PLEKHG1: variants seen among roughly 807,000 people sequenced by gnomAD.
PLEKHG1 encodes pleckstrin homology domain-containing family G member 1.
In PLEKHG1, 44 loss-of-function variants were observed where a neutral mutation model predicts 100.8. The observed-to-expected ratio is 0.44, with a 90% CI of 0.34 to 0.56. The LOEUF (loss-of-function observed/expected upper bound fraction) is 0.56. Among genes scored for constraint, PLEKHG1 ranks in the 20% least tolerant of loss-of-function variants. The pLI is 0.01. For synonymous variants in PLEKHG1, 640 were observed against 662.5 expected, an observed-to-expected ratio of 0.97 and a Z score of 0.52; for missense variants, 1,545 against 1,720.9, an observed-to-expected ratio of 0.90 and a Z score of 1.81.
chr6:150,771,160 C>G (rs556550723), intron 3 of PLEKHG1, among the ~76,000 whole-genome samples: 8 of 152,124 alleles, frequency 5.3e-5, no homozygotes, highest in South Asian at 2.1e-4. Context: ...CACCTGTAAT[C>G]CCAGCACTTT....
chr6:150,710,909 C>T (rs1371591314), intron 3 of PLEKHG1, among the ~76,000 whole-genome samples: 1 of 152,160 alleles, frequency 6.6e-6, no homozygotes, highest in Non-Finnish European at 1.5e-5. Context: ...TTACACGTTT[C>T]CATAGTGCCT....
intron 2 of PLEKHG1, among the ~76,000 whole-genome samples, chr6:150,737,867 G>A (rs1050072528): frequency 6.6e-6 from 1 of 151,522 alleles, no homozygotes; most frequent in Non-Finnish European, 1.5e-5. Flanking sequence ...GCAGTGGCAC[G>A]ATCATGACTC....
At chr6:150,790,774 C>CAAGT (rs1350507995) in intron 4 of PLEKHG1, among the ~76,000 whole-genome samples, 2 of 152,150 alleles carry the variant, frequency 1.3e-5, no homozygotes, top group African/African-American at 4.8e-5. Context: ...GTAATCCCAG[C>CAAGT]ACTTTGGGAG....
exon 2 of PLEKHG1, chr6:150,733,831 G>A (rs778739832): frequency 4.3e-6 from 7 of 1,614,190 alleles, no homozygotes; most frequent in Non-Finnish European, 5.9e-6. Flanking sequence ...AGGAGGTAGG[G>A]GCCATAAAAC....
At position 150,831,290 on chromosome 6, in the gene PLEKHG1, T is replaced by A. The variant is rs763988075; in HGVS notation, c.2179T>A (p.Ser727Thr). The A allele has an allele frequency of 1.9e-6, 3 of 1,613,974 alleles. No individual in the cohort carries two copies. The highest frequency in any genetic ancestry group is 1.3e-5 in the African/African-American group (1 of 74,896). Residue 727 changes from serine (S) to threonine (T), a missense_variant, in exon 15 of 16, where the codon TCC (serine) becomes ACC (threonine). Transcript: ENST00000358517. This position sits in a 1 kb window ranked among gnomAD's most constrained non-coding sequence, Gnocchi z 4.1. Reference sequence around the variant, plus strand: ...TGGCACCCTCTCAGGTGGAGAGGCATCCAGCCAAAGCACGCATGAACTCCA... The same window carrying A: ...TGGCACCCTCTCAGGTGGAGAGGCAACCAGCCAAAGCACGCATGAACTCCA...
At chr6:150,663,704 C>T (rs7769420) in intron 3 of PLEKHG1, 30,619 of 151,876 alleles carry the variant, frequency 0.2, 4,276 homozygotes, top group African/African-American at 0.4. Context: ...CAGGCACCCG[C>T]CACCACGCCT....
chr6:150,821,233 G>A (rs766622623), exon 13 of PLEKHG1: 1 of 1,603,682 alleles, frequency 6.2e-7, no homozygotes, highest in African/African-American at 1.3e-5. Flanking sequence ...GAAGACCAGT[G>A]GTAAGTCGTA....
intron 2 of PLEKHG1, among the ~76,000 whole-genome samples, chr6:150,740,120 C>G (rs1181528369): frequency 6.6e-6 from 1 of 152,232 alleles, no homozygotes; most frequent in Non-Finnish European, 1.5e-5. Flanking sequence ...TCAGCACATA[C>G]TCTGCCTGGA....
At chr6:150,668,476 A>T (rs1427206560) in intron 3 of PLEKHG1, among the ~76,000 whole-genome samples, 1 of 152,194 alleles carries the variant, frequency 6.6e-6, no homozygotes, top group Non-Finnish European at 1.5e-5. Flanking sequence ...CATTTGAGAA[A>T]GTGTACTCAT....
chr6:150,832,082 A>T (rs746312872), exon 15 of PLEKHG1: 2 of 1,614,184 alleles, frequency 1.2e-6, no homozygotes, highest in Non-Finnish European at 1.7e-6. Context: ...TAAGAAGGCG[A>T]ATCAACTTTT....
chr6:150,768,700 C>G, exon 3 of PLEKHG1: 1 of 1,611,372 alleles, frequency 6.2e-7, no homozygotes, highest in Non-Finnish European at 8.5e-7. Flanking sequence ...AAAGATCAGC[C>G]CTTTTTGGAA....
chr6:150,615,540 A>G (rs1274669561), intron 1 of PLEKHG1, among the ~76,000 whole-genome samples: 1 of 152,108 alleles, frequency 6.6e-6, no homozygotes. Flanking sequence ...ATCTTTCTAA[A>G]TCTCCCGAAT....
chr6:150,645,623 CAT>C (rs1778462117), intron 2 of PLEKHG1, among the ~76,000 whole-genome samples: 1 of 152,090 alleles, frequency 6.6e-6, no homozygotes, highest in African/African-American at 2.4e-5. Context: ...GGGAAGGAAA[CAT>C]AGATGCATAT....
At chr6:150,804,658 C>G (rs780251912) in exon 7 of PLEKHG1, 2 of 1,612,798 alleles carry the variant, frequency 1.2e-6, no homozygotes, top group Non-Finnish European at 1.7e-6. Context: ...TGATGTGGTG[C>G]TTGATGCTAT....
At chr6:150,764,434 A>G (rs1784353986) in intron 2 of PLEKHG1, among the ~76,000 whole-genome samples, 2 of 152,030 alleles carry the variant, frequency 1.3e-5, no homozygotes, top group Admixed American at 1.3e-4. Context: ...TTCTTTATTG[A>G]TGATGGAACC....
intron 3 of PLEKHG1, among the ~76,000 whole-genome samples, chr6:150,772,785 G>A (rs1341159565): frequency 3.9e-5 from 6 of 152,214 alleles, no homozygotes; most frequent in South Asian, 2.1e-4. Flanking sequence ...TGCCAATTGC[G>A]TTAAGATTGA....
In PLEKHG1 at chr6:150,646,945, T is replaced by C. The variant is rs149491335; in HGVS notation, c.-157-3783T>C. Among the ~76,000 whole-genome samples, 524 of 152,356 alleles carry C rather than the reference T, an allele frequency of 3.4e-3. 4 individuals carry two copies. Among genetic ancestry groups the C allele is most frequent in the African/African-American group, 0.012 (500 of 41,586 alleles). The stretch of plus-strand genomic sequence containing the variant: ...ACAATTCGACACTGATCTGAAGTCC[T>C]GTCATTTCTGGTAGCCCCTTATATG... On this transcript the variant is annotated intron_variant, in intron 2 of 3. Transcript: ENST00000367326.
intron 4 of PLEKHG1, among the ~76,000 whole-genome samples, chr6:150,790,698 C>T (rs532125015): frequency 2.6e-5 from 4 of 152,276 alleles, no homozygotes; most frequent in Admixed American, 6.5e-5. Flanking sequence ...AGTATATCCA[C>T]GTAATGAAGT....
At chr6:150,649,558 A>C (rs1236322098) in intron 2 of PLEKHG1, among the ~76,000 whole-genome samples, 2 of 152,182 alleles carry the variant, frequency 1.3e-5, no homozygotes, top group East Asian at 1.9e-4. Flanking sequence ...CAAATGTTGA[A>C]ATGTCTGCGG....
Sources: allele counts gnomAD v4.1 joint callset (sites outside exome capture counted in the v4.1 genomes callset), GRCh38; gene constraint gnomAD v4.1.1; non-coding constraint Gnocchi (gnomAD v3.1); transcripts MANE v1.5; gene names NCBI Gene and HGNC (gene_info 2026-07-23, HGNC 2026-07-21).